TTC28: variants seen among roughly 807,000 people sequenced by gnomAD.
TTC28 encodes the protein tetratricopeptide repeat domain 28.
Under a neutral mutation model 198.0 loss-of-function variants are expected in TTC28, and 61 were observed. The ratio of observed to expected loss-of-function variants is 0.31; its 90% CI spans 0.25 to 0.38. The LOEUF (loss-of-function observed/expected upper bound fraction) is 0.38, where lower values mean the gene tolerates loss of function less well. Ranked by LOEUF, TTC28 falls within the 10% of genes least tolerant of loss-of-function variation. The probability of loss-of-function intolerance (pLI) is 1.00; values close to 1 mark genes in which losing one functional copy is unlikely to be tolerated. For missense variants in TTC28, 2,678 were observed against 3,164.0 expected (o/e 0.85, Z 3.69); for synonymous variants, 1,171 against 1,297.8 (o/e 0.90, Z 2.10).
At chr22:28,156,249 T>A (rs1476826380) in intron 6 of TTC28, among the ~76,000 whole-genome samples, 1 of 152,206 alleles carries the variant, frequency 6.6e-6, no homozygotes, top group Non-Finnish European at 1.5e-5. Flanking sequence ...GGGCCTGATG[T>A]AATCACAACA....
intron 5 of TTC28, among the ~76,000 whole-genome samples, chr22:28,164,554 C>G (rs923447820): frequency 6.6e-6 from 1 of 152,198 alleles, no homozygotes; most frequent in South Asian, 2.1e-4. Context: ...GGACCTCCAG[C>G]AAACTCCAAC....
intron 2 of TTC28, among the ~76,000 whole-genome samples, chr22:28,341,996 A>G (rs911237637): frequency 6.6e-6 from 1 of 152,020 alleles, no homozygotes; most frequent in African/African-American, 2.4e-5. Context: ...AACAGAAAAA[A>G]ATTTAAAAAA....
At chr22:28,109,042 C>T (rs1260196858) in intron 6 of TTC28, among the ~76,000 whole-genome samples, 1 of 152,194 alleles carries the variant, frequency 6.6e-6, no homozygotes, top group African/African-American at 2.4e-5. Context: ...AGCAGCCTGG[C>T]AAGAACCACA....
intron 5 of TTC28, among the ~76,000 whole-genome samples, chr22:28,183,728 C>T (rs984584760): frequency 2.6e-5 from 4 of 152,090 alleles, no homozygotes; most frequent in Non-Finnish European, 4.4e-5. Flanking sequence ...TATAATGATA[C>T]TAGTTTTCAT....
At chr22:28,030,424 G>GCGC in intron 12 of TTC28, 58 bp from the exon 13 acceptor site, 1 of 1,542,460 alleles carries the variant, frequency 6.5e-7, no homozygotes, top group Non-Finnish European at 8.8e-7. Flanking sequence ...AGCTATGGAA[G>GCGC]TCAGCTCTGA....
rs748516640 is a variant in TTC28 at position 28,163,125 on chromosome 22, G to C, written c.1408C>G (p.Arg470Gly). 24 of 1,551,346 alleles carry C rather than the reference G, an allele frequency of 1.5e-5. No homozygotes were observed. The highest frequency in any genetic ancestry group is 3.9e-5 in the Admixed American group (2 of 50,964). ...GAGGATGCTCGCCCCTCTGCAGCCC[G>C]GTCCTTGAGATCCTCAGCAATGCCC... Reference protein sequence around the residue: ...QLGIAEDLKDRAAEGRASSNL... With the variant: ...QLGIAEDLKDGAAEGRASSNL... The change falls in exon 6 of 23, where the codon CGG (arginine) becomes GGG (glycine). Residue 470 changes from arginine to glycine, a missense_variant. Transcript: ENST00000397906.
intron 5 of TTC28, among the ~76,000 whole-genome samples, chr22:28,283,119 G>C (rs931615238): frequency 2.6e-5 from 4 of 152,056 alleles, no homozygotes; most frequent in Non-Finnish European, 4.4e-5. Context: ...TCAGTGATTT[G>C]AGAGTTACTG....
intron 5 of TTC28, among the ~76,000 whole-genome samples, chr22:28,163,916 G>A (rs1338814844): frequency 2.6e-5 from 4 of 152,158 alleles, no homozygotes; most frequent in Non-Finnish European, 5.9e-5. Context: ...GGTGACAGAC[G>A]GCACCTGGAA....
intron 5 of TTC28, among the ~76,000 whole-genome samples, chr22:28,190,520 T>G (rs887611012): frequency 1.3e-5 from 2 of 152,344 alleles, no homozygotes; most frequent in Non-Finnish European, 2.9e-5. Context: ...ACCTCTGAGG[T>G]ATGTTAGTGT....
rs60064757 is a variant in TTC28 at position 28,023,802 on chromosome 22, C to G, written c.4073+6424G>C. Among the ~76,000 whole-genome samples, 1,304 of 152,238 alleles carry G rather than the reference C, an allele frequency of 8.6e-3. 31 individuals carry two copies. Among genetic ancestry groups the G allele is most frequent in the African/African-American group, 0.029 (1,199 of 41,534 alleles). On this transcript the variant is annotated intron_variant, in intron 13 of 22. Transcript: ENST00000397906. ...AGCACTGTCTTTGGAGTCTGGCAGA[C>G]CTGGCTCCTAATGCTGGCTCTGTCA...
rs76527433 is a variant in TTC28, at chr22:28,311,511, T to C, written c.382-4868A>G. 8.7e-3 allele frequency among the ~76,000 whole-genome samples: 1,325 copies of C among 152,312 alleles called. 17 individuals are homozygous for C. Among genetic ancestry groups the C allele is most frequent in the African/African-American group, 0.03 (1,253 of 41,568 alleles). Reference sequence around the variant, plus strand: ...AAGAAAAACTGATTTTTGAAAACTTTATATTTTTAATTTTTGCAGGTACAC... The same window carrying C: ...AAGAAAAACTGATTTTTGAAAACTTCATATTTTTAATTTTTGCAGGTACAC... On this transcript the variant is annotated intron_variant, in intron 2 of 22. Transcript: ENST00000397906.
chr22:28,553,743 G>A (rs1036979268), intron 2 of TTC28, among the ~76,000 whole-genome samples: 6 of 151,420 alleles, frequency 4.0e-5, no homozygotes, highest in African/African-American at 9.7e-5. Context: ...CCGTCCGGGA[G>A]GGAGGTGAGG....
At chr22:28,352,371 G>A (rs1048302312) in intron 2 of TTC28, among the ~76,000 whole-genome samples, 9 of 150,734 alleles carry the variant, frequency 6.0e-5, no homozygotes, top group Non-Finnish European at 1.3e-4. Flanking sequence ...AGTCAGTACA[G>A]CAAATATGGT....
At chr22:28,257,424 T>C (rs1349011892) in intron 5 of TTC28, among the ~76,000 whole-genome samples, 1 of 151,870 alleles carries the variant, frequency 6.6e-6, no homozygotes, top group East Asian at 1.9e-4. Context: ...TATTCAGCCA[T>C]AAAAAGAAGG....
At chr22:27,992,685 G>A in intron 18 of TTC28, 22 bp from the exon 19 acceptor site, 1 of 1,550,248 alleles carries the variant, frequency 6.5e-7, no homozygotes, top group Non-Finnish European at 8.7e-7. Flanking sequence ...AAAAAGGGTA[G>A]AAGTTATTCA....
chr22:28,031,263 C>T (rs941123682), intron 12 of TTC28, among the ~76,000 whole-genome samples: 1 of 152,146 alleles, frequency 6.6e-6, no homozygotes, highest in Non-Finnish European at 1.5e-5. Flanking sequence ...TCCCAACCAA[C>T]TGAGGCTCAC....
chr22:27,994,879 G>A (rs982054664), intron 17 of TTC28, among the ~76,000 whole-genome samples: 1 of 151,996 alleles, frequency 6.6e-6, no homozygotes, highest in Non-Finnish European at 1.5e-5. Flanking sequence ...CGGGGGTGAC[G>A]GGACCCGAGA....
intron 2 of TTC28, among the ~76,000 whole-genome samples, chr22:28,475,464 AC>A (rs2048151500): frequency 6.6e-6 from 1 of 152,120 alleles, no homozygotes; most frequent in African/African-American, 2.4e-5. Flanking sequence ...TGCAAACTCT[AC>A]CCAGTGGGCC....
At chr22:28,114,105 C>T (rs1942566823) in intron 6 of TTC28, among the ~76,000 whole-genome samples, 1 of 152,192 alleles carries the variant, frequency 6.6e-6, no homozygotes, top group African/African-American at 2.4e-5. Flanking sequence ...GCCTTGATTT[C>T]ATTTCTAATG....
Sources: allele counts gnomAD v4.1 joint callset (sites outside exome capture counted in the v4.1 genomes callset), GRCh38; gene constraint gnomAD v4.1.1; transcripts MANE v1.5; gene names NCBI Gene and HGNC (gene_info 2026-07-23, HGNC 2026-07-21).